Variants in RBPJ observed in about 807,000 individuals in gnomAD.
RBPJ encodes recombination signal binding protein for immunoglobulin kappa J region, also known as recombining binding protein suppressor of hairless.
A neutral mutation model predicts 67.8 loss-of-function variants in RBPJ; 9 were observed. The ratio of observed to expected loss-of-function variants is 0.13; its 90% CI spans 0.08 to 0.23. The LOEUF (loss-of-function observed/expected upper bound fraction) is 0.23. Among genes scored for constraint, RBPJ ranks in the 10% least tolerant of loss-of-function variants. RBPJ has a pLI of 1.00. For missense variants in RBPJ, 305 were observed against 595.6 expected, an observed-to-expected ratio of 0.51 and a Z score of 5.08; for synonymous variants, 198 against 203.3, an observed-to-expected ratio of 0.97 and a Z score of 0.22.
chr4:26,174,132 C>T (rs1716712024), intron 1 of RBPJ, among the ~76,000 whole-genome samples: 1 of 152,192 alleles, frequency 6.6e-6, no homozygotes, highest in African/African-American at 2.4e-5. Flanking sequence ...GTGGTATCAA[C>T]ACCTGTGTTT....
chr4:26,202,859 A>C (rs1328024687), intron 1 of RBPJ, among the ~76,000 whole-genome samples: 1 of 151,606 alleles, frequency 6.6e-6, no homozygotes, highest in Non-Finnish European at 1.5e-5. Context: ...CAGTGAGCTG[A>C]GATCACACCA....
intron 1 of RBPJ, among the ~76,000 whole-genome samples, chr4:26,183,340 A>G (rs1047320557): frequency 6.6e-6 from 1 of 152,360 alleles, no homozygotes; most frequent in East Asian, 1.9e-4. Flanking sequence ...AGAAACTGTG[A>G]TGCGGCACAT....
intron 1 of RBPJ, among the ~76,000 whole-genome samples, chr4:26,335,723 C>T (rs1724753639): frequency 1.3e-5 from 2 of 148,484 alleles, no homozygotes; most frequent in African/African-American, 5.0e-5. Flanking sequence ...GGGTTTTACG[C>T]CATTCTCCTG....
chr4:26,344,406 T>G (rs1725910484), intron 1 of RBPJ, among the ~76,000 whole-genome samples: 1 of 151,862 alleles, frequency 6.6e-6, no homozygotes, highest in African/African-American at 2.4e-5. Context: ...GGCTAATTTT[T>G]TTGTATTTTT....
chr4:26,190,790 G>T (rs920569952), intron 1 of RBPJ, among the ~76,000 whole-genome samples: 1 of 152,086 alleles, frequency 6.6e-6, no homozygotes. Context: ...ACTGAGAAAT[G>T]ATGTCAGCTT....
intron 2 of RBPJ, among the ~76,000 whole-genome samples, chr4:26,405,429 A>G (rs571163880): frequency 4.2e-4 from 63 of 151,016 alleles, no homozygotes; most frequent in African/African-American, 1.4e-3. Context: ...TCTTTTTACT[A>G]TATAATATTG....
At chr4:26,327,535 C>A in intron 1 of RBPJ, among the ~76,000 whole-genome samples, 1 of 148,574 alleles carries the variant, frequency 6.7e-6, no homozygotes, top group African/African-American at 2.5e-5. Context: ...TCAAGTTGAC[C>A]CTGGAGGTTT....
At chr4:26,267,843 G>A (rs1720752691) in intron 1 of RBPJ, among the ~76,000 whole-genome samples, 1 of 151,952 alleles carries the variant, frequency 6.6e-6, no homozygotes, top group Non-Finnish European at 1.5e-5. Context: ...CCTGACCTCA[G>A]GTGATCCGCC....
chr4:26,160,850 G>A (rs1468178613), upstream of RBPJ, among the ~76,000 whole-genome samples: 1 of 152,190 alleles, frequency 6.6e-6, no homozygotes, highest in Non-Finnish European at 1.5e-5. Context: ...GATATTATCA[G>A]ACAGATCCCA....
chr4:26,117,147 C>T, the RBPJ span, among the ~76,000 whole-genome samples: 246 of 152,264 alleles, frequency 1.6e-3, no homozygotes, highest in African/African-American at 5.6e-3. Context: ...GGGCTATCAA[C>T]GTTGCTGGAC....
At chr4:26,123,845 G>C in the RBPJ span, among the ~76,000 whole-genome samples, 1 of 152,158 alleles carries the variant, frequency 6.6e-6, no homozygotes, top group South Asian at 2.1e-4. Flanking sequence ...AGGTCTTCAG[G>C]GGCATGGAGC....
At chr4:26,340,497 C>T (rs1199332186) in intron 1 of RBPJ, among the ~76,000 whole-genome samples, 2 of 152,094 alleles carry the variant, frequency 1.3e-5, no homozygotes, top group Non-Finnish European at 2.9e-5. Flanking sequence ...AGAACAAGAG[C>T]AGAGCTAAAG....
intron 1 of RBPJ, among the ~76,000 whole-genome samples, chr4:26,336,971 T>TTTG (rs1724902839): frequency 6.6e-6 from 1 of 152,028 alleles, no homozygotes; most frequent in African/African-American, 2.4e-5. Context: ...GTTTAGCGTT[T>TTTG]TTTGTTTGTT....
chr4:26,410,160 G>A (rs1387254651), intron 3 of RBPJ: 5 of 371,686 alleles, frequency 1.3e-5, no homozygotes, highest in Non-Finnish European at 2.6e-5. Flanking sequence ...AGTGGGAAGA[G>A]GATCTGTCTT....
chr4:26,234,684 C>CTTATTTATTTATTTAT (rs56961547), intron 1 of RBPJ, among the ~76,000 whole-genome samples: 1 of 151,446 alleles, frequency 6.6e-6, no homozygotes, highest in African/African-American at 2.4e-5. Context: ...ATCTTATTTT[C>CTTATTTATTTATTTAT]TTATTTATTT....
intron 1 of RBPJ, among the ~76,000 whole-genome samples, chr4:26,325,719 G>C (rs1298287416): frequency 6.6e-6 from 1 of 152,102 alleles, no homozygotes; most frequent in African/African-American, 2.4e-5. Flanking sequence ...TGAGTTGTTT[G>C]CCATTTTCTC....
At chr4:26,258,432 A>G (rs900368939) in intron 1 of RBPJ, among the ~76,000 whole-genome samples, 7 of 152,190 alleles carry the variant, frequency 4.6e-5, no homozygotes, top group Admixed American at 4.6e-4. Flanking sequence ...CATCTAGTAC[A>G]TTGTGCAGAG....
chr4:26,332,123 A>G (rs964756025), intron 1 of RBPJ, among the ~76,000 whole-genome samples: 1 of 152,194 alleles, frequency 6.6e-6, no homozygotes, highest in African/African-American at 2.4e-5. Context: ...AAGTGATAGT[A>G]TATGGTAATT....
In RBPJ at chr4:26,283,276, G is replaced by A. The variant is rs910387014; in HGVS notation, c.-166-79170G>A. 7.3e-4 allele frequency among the ~76,000 whole-genome samples: 110 copies of A among 151,032 alleles called. 1 individual carries two copies. The highest frequency in any genetic ancestry group is 2.6e-3 in the African/African-American group (109 of 41,326). Reference sequence around the variant, plus strand: ...TAGGATTTTCTGGGCCAGGCGCAGTGGCTCACGCCTGTAATCCCAGCACTT... The same window carrying A: ...TAGGATTTTCTGGGCCAGGCGCAGTAGCTCACGCCTGTAATCCCAGCACTT... On this transcript the variant is annotated intron_variant, in intron 1 of 4. Coordinates refer to the RBPJ transcript ENST00000512351.
Sources: allele counts gnomAD v4.1 joint callset (sites outside exome capture counted in the v4.1 genomes callset), GRCh38; gene constraint gnomAD v4.1.1; transcripts MANE v1.5; gene names NCBI Gene and HGNC (gene_info 2026-07-23, HGNC 2026-07-21).